PDZRN4: variants seen among roughly 807,000 people sequenced by gnomAD.
PDZRN4 encodes PDZ domain containing ring finger 4.
Under a neutral mutation model 99.0 loss-of-function variants are expected in PDZRN4, and 70 were observed. The observed-to-expected ratio is 0.71, with a 90% CI of 0.58 to 0.86. The LOEUF (loss-of-function observed/expected upper bound fraction) is 0.86, where lower values mean the gene tolerates loss of function less well. PDZRN4 is among the 40% of genes least tolerant of loss of function. The pLI, the probability that PDZRN4 is intolerant of heterozygous loss-of-function variation, is 0.00. For synonymous variants in PDZRN4, 551 were observed against 501.6 expected (o/e 1.10, Z -1.32); for missense variants, 1,474 against 1,331.2 (o/e 1.11, Z -1.67).
chr12:41,501,537 T>C (rs1938109503), intron 3 of PDZRN4, among the ~76,000 whole-genome samples: 2 of 152,156 alleles, frequency 1.3e-5, no homozygotes. Context: ...GGTTTACATA[T>C]GAAAAGCCCT....
chr12:41,571,149 A>C (rs529805394), intron 9 of PDZRN4, among the ~76,000 whole-genome samples: 21 of 152,164 alleles, frequency 1.4e-4, no homozygotes, highest in African/African-American at 2.9e-4. Context: ...ATCTATCTAT[A>C]TATATATATA....
chr12:41,408,270 G>A (rs112633052), intron 3 of PDZRN4, among the ~76,000 whole-genome samples: 1,681 of 152,320 alleles, frequency 0.011, 31 homozygotes, highest in African/African-American at 0.039. Flanking sequence ...ACTGATTCAT[G>A]CATTATGAAA....
intron 5 of PDZRN4, among the ~76,000 whole-genome samples, chr12:41,546,837 A>G (rs906568313): frequency 6.6e-6 from 1 of 152,278 alleles, no homozygotes; most frequent in South Asian, 2.1e-4. Context: ...AGTGCTTAAC[A>G]TTGCTATTTT....
At chr12:41,328,886 C>A (rs977755000) in intron 3 of PDZRN4, among the ~76,000 whole-genome samples, 1 of 151,966 alleles carries the variant, frequency 6.6e-6, no homozygotes, top group Non-Finnish European at 1.5e-5. Context: ...TGTTTATTGG[C>A]CAGGAGGAGA....
intron 3 of PDZRN4, among the ~76,000 whole-genome samples, chr12:41,499,586 C>CA (rs1008134943): frequency 1.3e-5 from 2 of 151,372 alleles, no homozygotes; most frequent in African/African-American, 4.9e-5. Context: ...AGGAGGGATA[C>CA]AAAAAAAGCA....
At position 41,562,935 on chromosome 12, in the gene PDZRN4, G is replaced by T. The variant is rs555305701; in HGVS notation, c.1366-613G>T. Among the ~76,000 whole-genome samples the T allele has an allele frequency of 2.0e-5, 3 of 152,254 alleles. No individual in the cohort carries two copies. In the South Asian group the frequency reaches 6.2e-4, roughly 32 times the overall value. On this transcript the variant is annotated intron_variant, in intron 7 of 9. Coordinates refer to ENST00000402685, the MANE Select transcript of PDZRN4 (RefSeq NM_001164595.2). The stretch of plus-strand genomic sequence containing the variant: ...ATTAGTTGTATTACTTTAGGAAATG[G>T]ATAGATATTAGAAGGGAAATGGAGT...
At chr12:41,372,568 G>A (rs1952049379) in intron 3 of PDZRN4, among the ~76,000 whole-genome samples, 1 of 152,138 alleles carries the variant, frequency 6.6e-6, no homozygotes, top group Non-Finnish European at 1.5e-5. Context: ...GATAGATGAA[G>A]AGTCAGGTAT....
At chr12:41,392,147 C>A (rs1952214859) in intron 3 of PDZRN4, among the ~76,000 whole-genome samples, 1 of 152,070 alleles carries the variant, frequency 6.6e-6, no homozygotes, top group African/African-American at 2.4e-5. Context: ...GTCCTAAAGG[C>A]TTTGCTGTGA....
chr12:41,571,376 T>TCACACACA (rs147910134), intron 9 of PDZRN4, among the ~76,000 whole-genome samples: 3 of 65,514 alleles, frequency 4.6e-5, no homozygotes, highest in Admixed American at 1.7e-4. Flanking sequence ...TCTCTCTCTC[T>TCACACACA]CACACACACA....
At chr12:41,495,469 T>A (rs1937980702) in intron 3 of PDZRN4, among the ~76,000 whole-genome samples, 1 of 152,058 alleles carries the variant, frequency 6.6e-6, no homozygotes, top group Non-Finnish European at 1.5e-5. Flanking sequence ...CTGAAATCCA[T>A]GTGAATGGCA....
At chr12:41,281,732 C>T (rs1217481546) in intron 3 of PDZRN4, among the ~76,000 whole-genome samples, 1 of 152,132 alleles carries the variant, frequency 6.6e-6, no homozygotes, top group Non-Finnish European at 1.5e-5. Flanking sequence ...AAGACCAAAC[C>T]TATGTTTCAC....
chr12:41,317,536 C>G (rs1951646773), intron 3 of PDZRN4, among the ~76,000 whole-genome samples: 1 of 152,038 alleles, frequency 6.6e-6, no homozygotes, highest in Non-Finnish European at 1.5e-5. Context: ...TGTGACTAGC[C>G]AAGTTGACCC....
At chr12:41,380,702 T>A (rs7963221) in intron 3 of PDZRN4, among the ~76,000 whole-genome samples, 71,468 of 151,374 alleles carry the variant, frequency 0.47, 17,587 homozygotes, top group Middle Eastern at 0.66. Context: ...ATTATTATAA[T>A]TATCGTTATT....
rs555345874 is a variant in PDZRN4 at position 41,549,949 on chromosome 12, T to G, written c.1204-2707T>G. ...AGACCATGGAGATAACTTTGAGACC[T>G]GTTTCACAGTTTTGGTTTGGTCCAA... On this transcript the variant is annotated intron_variant, in intron 5 of 9. Coordinates refer to ENST00000402685, the MANE Select transcript of PDZRN4 (RefSeq NM_001164595.2). 6.6e-5 allele frequency among the ~76,000 whole-genome samples: 10 copies of G among 152,316 alleles called. No individual in the cohort carries two copies. The South Asian group carries it at 1.7e-3, about 25-fold the overall frequency.
chr12:41,387,030 C>G (rs1285043705), intron 3 of PDZRN4, among the ~76,000 whole-genome samples: 2 of 152,070 alleles, frequency 1.3e-5, no homozygotes, highest in African/African-American at 4.8e-5. Context: ...GGAAGACCAC[C>G]TAGGCAATAT....
At chr12:41,468,957 C>T (rs113527963) in intron 3 of PDZRN4, among the ~76,000 whole-genome samples, 3,650 of 151,466 alleles carry the variant, frequency 0.024, 146 homozygotes, top group African/African-American at 0.085. Context: ...TGCAGTGAGC[C>T]GAGATTGCGC....
At position 41,572,457 on chromosome 12, in the gene PDZRN4, G is replaced by T; in HGVS notation, c.1678G>T (p.Glu560Ter). 1 of 1,614,134 alleles carries T rather than the reference G, an allele frequency of 6.2e-7. No homozygotes were observed. ...EKDSGVGRTD[E>*]SLRNDESSEQ... is the part of the protein sequence containing the mutation. ...GGACAGTGGAGTAGGACGTACAGATGAAAGCTTGCGAAATGATGAGAGCTC... is the reference window on the plus strand; with the variant it reads ...GGACAGTGGAGTAGGACGTACAGATTAAAGCTTGCGAAATGATGAGAGCTC... The change falls in exon 10 of 10, where the codon GAA (glutamate) becomes TAA (stop). Residue 560 changes from glutamate (E) to a stop codon, truncating the protein, a stop_gained. Transcript: ENST00000402685. LOFTEE classifies it high-confidence loss of function.
chr12:41,491,712 T>G (rs771402876), intron 3 of PDZRN4, among the ~76,000 whole-genome samples: 4 of 152,106 alleles, frequency 2.6e-5, no homozygotes, highest in Non-Finnish European at 5.9e-5. Flanking sequence ...TTAGGATCAT[T>G]GTCTTTAATA....
At chr12:41,306,523 T>C (rs940396719) in intron 3 of PDZRN4, among the ~76,000 whole-genome samples, 2 of 152,188 alleles carry the variant, frequency 1.3e-5, no homozygotes, top group African/African-American at 2.4e-5. Context: ...GGGTGGGTGA[T>C]TCGGTCCATA....
Sources: gnomAD v4.1 joint callset for allele counts (sites outside exome capture counted in the v4.1 genomes callset) on GRCh38, gnomAD v4.1.1 for gene constraint, MANE v1.5 for transcripts, NCBI Gene and HGNC (gene_info 2026-07-23, HGNC 2026-07-21) for gene names.